Variants in BAZ1B observed in about 807,000 individuals in gnomAD.
The protein encoded by BAZ1B is tyrosine-protein kinase BAZ1B.
BAZ1B carries 22 observed loss-of-function variants against 153.8 expected under a neutral mutation model. The observed-to-expected ratio is 0.14, with a 90% CI of 0.10 to 0.20. The LOEUF is 0.20. Among genes scored for constraint, BAZ1B ranks in the 10% least tolerant of loss-of-function variants. The probability of loss-of-function intolerance (pLI) is 1.00; values close to 1 mark genes in which losing one functional copy is unlikely to be tolerated. For synonymous variants in BAZ1B, 676 were observed against 633.4 expected (o/e 1.07, Z -1.01); for missense variants, 1,325 against 1,799.3 (o/e 0.74, Z 4.77).
intron 1 of BAZ1B, among the ~76,000 whole-genome samples, chr7:73,516,295 C>T (rs1305833318): frequency 2.0e-5 from 3 of 152,094 alleles, no homozygotes; most frequent in African/African-American, 7.2e-5. Flanking sequence ...GGACTACAGG[C>T]GCACACCACC....
chr7:73,441,145 C>T lies in BAZ1B; in HGVS notation c.*564G>A, dbSNP rs1449543604. 6.5e-6 allele frequency: 1 copy of T among 152,676 alleles called. No homozygotes were observed. Among genetic ancestry groups the T allele is most frequent in the Non-Finnish European group, 1.5e-5 (1 of 68,138 alleles). 9.5% of individuals were successfully genotyped at this position (152,676 alleles called of 1,614,324 possible). On this transcript the variant is annotated 3_prime_UTR_variant, in exon 20 of 20. Transcript: ENST00000339594. ...GTTGCTGCTTGCCTCAATGAGCCTCCAACCCAACTGCTCTAGAGGAGAGTG... is the reference window on the plus strand; with the variant it reads ...GTTGCTGCTTGCCTCAATGAGCCTCTAACCCAACTGCTCTAGAGGAGAGTG...
intron 2 of BAZ1B, among the ~76,000 whole-genome samples, chr7:73,508,856 A>G (rs1790456082): frequency 6.6e-6 from 1 of 152,132 alleles, no homozygotes; most frequent in South Asian, 2.1e-4. Flanking sequence ...TACTAAAAAT[A>G]TAAAAAATTA....
Position 73,489,367 on chromosome 7 carries a change from T to C in BAZ1B, c.718A>G (p.Ser240Gly). 6.8e-6 allele frequency: 11 copies of C among 1,614,188 alleles called. No individual in the cohort carries two copies. Among genetic ancestry groups the C allele is most frequent in the Non-Finnish European group, 9.3e-6 (11 of 1,180,030 alleles). Reference sequence around the variant, plus strand: ...GGTGGGCGCTCTGTACGAATCAAGCTGTCTGCTGGCACGTTACTGATGATC... The same window carrying C: ...GGTGGGCGCTCTGTACGAATCAAGCCGTCTGCTGGCACGTTACTGATGATC... Reference protein sequence around the residue: ...DKIISNVPADSLIRTERPPNK... With the variant: ...DKIISNVPADGLIRTERPPNK... Residue 240 changes from serine (S) to glycine (G), a missense_variant, in exon 6 of 20, where the codon AGC becomes GGC. Ser to Gly is a moderately conservative substitution (Grantham distance 56). Transcript: ENST00000339594.
At chr7:73,462,617 T>A in intron 12 of BAZ1B, 1 of 332,832 alleles carries the variant, frequency 3.0e-6, no homozygotes, top group Non-Finnish European at 5.6e-6. Flanking sequence ...CATCGCAAGG[T>A]AAAGATGTTA....
chr7:73,512,576 T>C (rs1790632001), intron 1 of BAZ1B, among the ~76,000 whole-genome samples: 1 of 152,206 alleles, frequency 6.6e-6, no homozygotes, highest in African/African-American at 2.4e-5. Context: ...ATCAAGTTGG[T>C]AGTGTAAATA....
intron 4 of BAZ1B, 87 bp from the exon 5 acceptor site, chr7:73,493,008 C>T: frequency 7.2e-7 from 1 of 1,384,384 alleles, no homozygotes; most frequent in Non-Finnish European, 9.8e-7. Context: ...TGAACGTCTG[C>T]TCTTCACTAG....
intron 13 of BAZ1B, among the ~76,000 whole-genome samples, chr7:73,452,166 CAG>C (rs1788044846): frequency 6.6e-6 from 1 of 152,052 alleles, no homozygotes; most frequent in African/African-American, 2.4e-5. Context: ...TTTTAAAAAA[CAG>C]ATTTTAAATA....
At position 73,447,213 on chromosome 7, in the gene BAZ1B, C is replaced by G. The variant is rs143800196; in HGVS notation, c.3844+51G>C. Reference sequence around the variant, plus strand: ...TGCCAAGCCAGCCTTTCCAAGCGTTCCAAGCTTAGAAGACTGTGAAATCAA... The same window carrying G: ...TGCCAAGCCAGCCTTTCCAAGCGTTGCAAGCTTAGAAGACTGTGAAATCAA... On this transcript the variant is annotated intron_variant, in intron 16 of 19. Coordinates refer to ENST00000339594, the MANE Select transcript of BAZ1B (RefSeq NM_032408.4). 4.9e-4 allele frequency: 791 copies of G among 1,612,200 alleles called. 3 individuals carry two copies. The African/African-American group carries it at 9.6e-3, about 19-fold the overall frequency.
intron 6 of BAZ1B, among the ~76,000 whole-genome samples, chr7:73,481,691 T>C (rs1789206306): frequency 6.6e-6 from 1 of 151,738 alleles, no homozygotes; most frequent in African/African-American, 2.4e-5. Flanking sequence ...CTTTGAAGAG[T>C]TCCAGGCAAC....
At chr7:73,497,083 ACC>A (rs1789938437) in intron 4 of BAZ1B, among the ~76,000 whole-genome samples, 21 of 149,996 alleles carry the variant, frequency 1.4e-4, no homozygotes, top group Middle Eastern at 6.8e-3. Context: ...AAAAAAAAAA[ACC>A]TACAAAAATT....
chr7:73,476,188 G>A (rs1445225346), intron 7 of BAZ1B, among the ~76,000 whole-genome samples: 1 of 152,158 alleles, frequency 6.6e-6, no homozygotes, highest in Non-Finnish European at 1.5e-5. Context: ...CAGTTCATGG[G>A]TAGCAGGTTT....
chr7:73,508,240 T>C, intron 3 of BAZ1B, 87 bp downstream of exon 3: 1 of 1,379,602 alleles, frequency 7.2e-7, no homozygotes, highest in Non-Finnish European at 1.0e-6. Flanking sequence ...ATAACACAGT[T>C]TTACACACAT....
intron 13 of BAZ1B, among the ~76,000 whole-genome samples, chr7:73,456,175 A>G (rs904606562): frequency 2.0e-5 from 3 of 152,218 alleles, no homozygotes; most frequent in Non-Finnish European, 4.4e-5. Flanking sequence ...TCAAAGACCT[A>G]AATGTAAAAG....
chr7:73,484,610 C>CT (rs1554574229), intron 6 of BAZ1B, among the ~76,000 whole-genome samples: 1 of 152,028 alleles, frequency 6.6e-6, no homozygotes, highest in Non-Finnish European at 1.5e-5. Context: ...ACCGCTGCAC[C>CT]TCCAGCCTGG....
chr7:73,511,282 A>T (rs146542635), intron 1 of BAZ1B, among the ~76,000 whole-genome samples: 2,080 of 151,250 alleles, frequency 0.014, 44 homozygotes, highest in African/African-American at 0.045. Context: ...TAAAAAAAAT[A>T]AAAAAAAATG....
intron 1 of BAZ1B, among the ~76,000 whole-genome samples, chr7:73,516,627 T>C (rs1345913975): frequency 2.0e-5 from 3 of 150,526 alleles, no homozygotes; most frequent in African/African-American, 7.3e-5. Flanking sequence ...ATACAAAAAA[T>C]AGCCAGGCAT....
intron 6 of BAZ1B, among the ~76,000 whole-genome samples, chr7:73,481,244 G>A (rs1789184800): frequency 6.6e-6 from 1 of 151,868 alleles, no homozygotes; most frequent in Non-Finnish European, 1.5e-5. Flanking sequence ...TTAAACATTA[G>A]GGGCTGGGCG....
intron 1 of BAZ1B, among the ~76,000 whole-genome samples, chr7:73,514,008 T>C (rs782282485): frequency 1.3e-5 from 2 of 151,934 alleles, no homozygotes; most frequent in Non-Finnish European, 2.9e-5. Context: ...GAACCGGGAG[T>C]ATTTTGGATT....
chr7:73,443,629 C>T (rs1201824976), intron 17 of BAZ1B, among the ~76,000 whole-genome samples: 5 of 152,146 alleles, frequency 3.3e-5, no homozygotes, highest in Admixed American at 1.3e-4. Flanking sequence ...TAACAACTGT[C>T]GACTCAACAG....
Sources: allele counts gnomAD v4.1 joint callset (sites outside exome capture counted in the v4.1 genomes callset), GRCh38; gene constraint gnomAD v4.1.1; transcripts MANE v1.5; gene names NCBI Gene and HGNC (gene_info 2026-07-23, HGNC 2026-07-21).